DECR1: variants seen among roughly 807,000 people sequenced by gnomAD.
DECR1 encodes the protein 2,4-dienoyl-CoA reductase 1, also known as 2,4-dienoyl-CoA reductase [(3E)-enoyl-CoA-producing], mitochondrial.
In DECR1, 44 loss-of-function variants were observed where a neutral mutation model predicts 38.8. That is an observed-to-expected ratio of 1.13 (90% CI 0.89 to 1.46). DECR1 has a LOEUF of 1.46. Among genes scored for constraint, DECR1 ranks in the 40% most tolerant of loss-of-function variants. DECR1 has a pLI of 0.00. For synonymous variants in DECR1, 148 were observed against 135.2 expected (o/e 1.09, Z -0.66); for missense variants, 428 against 405.5 (o/e 1.06, Z -0.48).
chr8:90,045,512 G>C (rs1033110828), intron 8 of DECR1, among the ~76,000 whole-genome samples: 1 of 152,180 alleles, frequency 6.6e-6, no homozygotes, highest in Non-Finnish European at 1.5e-5. Context: ...GGCTTGAGTA[G>C]GTAAACAAAG....
intron 1 of DECR1, among the ~76,000 whole-genome samples, chr8:90,004,030 T>A (rs538853481): frequency 2.6e-5 from 4 of 152,158 alleles, no homozygotes; most frequent in South Asian, 2.1e-4. Context: ...AAAAAAAAAA[T>A]TTACCATTCT....
Position 90,036,824 on chromosome 8 carries a change from T to A in DECR1, c.566-17T>A, listed in dbSNP as rs776443358. ...ACATCTATATTGCTAATCAACTGTATCCTTTTAAAATTTCAGGAGCAGCAT... is the reference window on the plus strand; with the variant it reads ...ACATCTATATTGCTAATCAACTGTAACCTTTTAAAATTTCAGGAGCAGCAT... On this transcript the variant is annotated splice_polypyrimidine_tract_variant and intron_variant, in intron 5 of 9. Coordinates refer to ENST00000220764, the MANE Select transcript of DECR1 (RefSeq NM_001359.2). The A allele has an allele frequency of 1.9e-6, 3 of 1,560,110 alleles. No individual in the cohort carries two copies. Among genetic ancestry groups the A allele is most frequent in the Non-Finnish European group, 2.6e-6 (3 of 1,133,024 alleles).
chr8:90,022,408 C>A (rs1190858697), intron 5 of DECR1, among the ~76,000 whole-genome samples: 1 of 152,106 alleles, frequency 6.6e-6, no homozygotes, highest in Non-Finnish European at 1.5e-5. Context: ...TCTATGCACT[C>A]ATTGAAATTG....
Position 90,042,953 on chromosome 8 carries a change from G to A in DECR1, c.738+153G>A, listed in dbSNP as rs149465363. Among the ~76,000 whole-genome samples the A allele has an allele frequency of 3.9e-5, 6 of 152,202 alleles. No homozygotes were observed. In the East Asian group the frequency reaches 7.7e-4, roughly 20 times the overall value. On this transcript the variant is annotated intron_variant, in intron 7 of 9. Transcript: ENST00000220764. Reference sequence around the variant, plus strand: ...GAGGCCTTTGCCTTTATTCATTATCGAATATAAGAAATAAGGAGGCGGGCA... The same window carrying A: ...GAGGCCTTTGCCTTTATTCATTATCAAATATAAGAAATAAGGAGGCGGGCA...
chr8:90,011,375 T>A (rs1177236312), intron 1 of DECR1, among the ~76,000 whole-genome samples: 1 of 152,242 alleles, frequency 6.6e-6, no homozygotes, highest in East Asian at 1.9e-4. Flanking sequence ...CACACATAGA[T>A]TGTTTTGTAG....
intron 8 of DECR1, among the ~76,000 whole-genome samples, chr8:90,051,356 A>G (rs1252149628): frequency 6.6e-6 from 1 of 152,086 alleles, no homozygotes; most frequent in Non-Finnish European, 1.5e-5. Context: ...ATTGAGGATT[A>G]CAATTCAAGA....
At position 90,035,081 on chromosome 8, in the gene DECR1, A is replaced by G. The variant is rs781083501; in HGVS notation, c.566-1760A>G. Among the ~76,000 whole-genome samples, 139 of 152,276 alleles carry G rather than the reference A, an allele frequency of 9.1e-4. 1 individual carries two copies. In the Middle Eastern group the frequency reaches 0.01, roughly 11 times the overall value. ...CATTATTTTTAGAAATGAGAAGACA[A>G]TGAAAATTTTTGTCTGTGTTTGTGT... On this transcript the variant is annotated intron_variant, in intron 5 of 9. Coordinates refer to ENST00000220764, the MANE Select transcript of DECR1 (RefSeq NM_001359.2).
intron 1 of DECR1, among the ~76,000 whole-genome samples, chr8:90,010,965 C>T (rs1169016228): frequency 6.6e-6 from 1 of 152,002 alleles, no homozygotes; most frequent in Non-Finnish European, 1.5e-5. Context: ...AATTTATGAA[C>T]ATGTTGAACA....
At chr8:90,039,721 C>A (rs1320394061) in intron 6 of DECR1, among the ~76,000 whole-genome samples, 2 of 152,146 alleles carry the variant, frequency 1.3e-5, no homozygotes, top group Non-Finnish European at 2.9e-5. Flanking sequence ...CACTTAGGTT[C>A]TTCTTCTTTT....
chr8:90,038,119 G>A (rs1813657874), intron 6 of DECR1, among the ~76,000 whole-genome samples: 1 of 152,094 alleles, frequency 6.6e-6, no homozygotes. Flanking sequence ...TGATAGTGAT[G>A]GAAATAGAAC....
At chr8:90,012,772 A>G (rs1288022267) in intron 1 of DECR1, among the ~76,000 whole-genome samples, 1 of 152,202 alleles carries the variant, frequency 6.6e-6, no homozygotes, top group East Asian at 1.9e-4. Context: ...GCAACTCCTT[A>G]GCAGGCCAAT....
chr8:90,031,351 C>G (rs1040055199), intron 5 of DECR1, among the ~76,000 whole-genome samples: 1 of 151,846 alleles, frequency 6.6e-6, no homozygotes, highest in Non-Finnish European at 1.5e-5. Context: ...GTATTTTTAC[C>G]ACGTCTTTTA....
chr8:90,004,724 G>A (rs371300462), intron 1 of DECR1, among the ~76,000 whole-genome samples: 2 of 152,268 alleles, frequency 1.3e-5, no homozygotes, highest in African/African-American at 4.8e-5. Context: ...GCTCTATGCA[G>A]GCAAAGATTT....
At chr8:90,014,371 C>T (rs1050294821) in intron 1 of DECR1, among the ~76,000 whole-genome samples, 1 of 152,134 alleles carries the variant, frequency 6.6e-6, no homozygotes, top group African/African-American at 2.4e-5. Flanking sequence ...TGAACATCTT[C>T]CTTTTAGGCA....
At chr8:90,027,096 A>T (rs1224890957) in intron 5 of DECR1, among the ~76,000 whole-genome samples, 2 of 152,192 alleles carry the variant, frequency 1.3e-5, no homozygotes, top group African/African-American at 4.8e-5. Flanking sequence ...ACAGTTTGTT[A>T]TAATTTCTGT....
chr8:90,022,410 T>C lies in DECR1; in HGVS notation c.565+1354T>C, dbSNP rs542980947. Among the ~76,000 whole-genome samples the C allele has an allele frequency of 4.6e-5, 7 of 152,302 alleles. No individual in the cohort carries two copies. The South Asian group carries it at 1.2e-3, about 27-fold the overall frequency. On this transcript the variant is annotated intron_variant, in intron 5 of 9. Coordinates refer to ENST00000220764, the MANE Select transcript of DECR1 (RefSeq NM_001359.2). ...AGCTTCCATCCTTTCTATGCACTCATTGAAATTGAAATTCCTGGTTACTCA... is the reference window on the plus strand; with the variant it reads ...AGCTTCCATCCTTTCTATGCACTCACTGAAATTGAAATTCCTGGTTACTCA...
chr8:90,036,799 A>G, intron 5 of DECR1, 42 bp from the exon 6 acceptor site: 1 of 1,252,996 alleles, frequency 8.0e-7, no homozygotes, highest in Non-Finnish European at 1.2e-6. Flanking sequence ...GTGTAGTGAT[A>G]CATCTATATT....
At chr8:90,019,940 C>A (rs1338429245) in intron 4 of DECR1, among the ~76,000 whole-genome samples, 2 of 152,192 alleles carry the variant, frequency 1.3e-5, no homozygotes, top group Non-Finnish European at 2.9e-5. Context: ...GAGCAGTTAT[C>A]CAAGAGTACA....
At chr8:90,049,670 A>G (rs1346184865) in intron 8 of DECR1, among the ~76,000 whole-genome samples, 1 of 152,220 alleles carries the variant, frequency 6.6e-6, no homozygotes, top group African/African-American at 2.4e-5. Flanking sequence ...GAATTGGAAA[A>G]AACTACTTTT....
Sources: gnomAD v4.1 joint callset for allele counts (sites outside exome capture counted in the v4.1 genomes callset) on GRCh38, gnomAD v4.1.1 for gene constraint, MANE v1.5 for transcripts, NCBI Gene and HGNC (gene_info 2026-07-23, HGNC 2026-07-21) for gene names.